Variants in OXSR1 observed in about 807,000 individuals in gnomAD.
OXSR1 encodes serine/threonine-protein kinase OSR1.
OXSR1 carries 24 observed loss-of-function variants against 79.8 expected under a neutral mutation model. That is an observed-to-expected ratio of 0.30 (90% CI 0.22 to 0.42). The LOEUF (loss-of-function observed/expected upper bound fraction) is 0.42. Ranked by LOEUF, OXSR1 falls within the 10% of genes least tolerant of loss-of-function variation. OXSR1 has a pLI of 1.00. For missense variants in OXSR1, 430 were observed against 618.4 expected, an observed-to-expected ratio of 0.70 and a Z score of 3.23; for synonymous variants, 226 against 209.2, an observed-to-expected ratio of 1.08 and a Z score of -0.69.
intron 14 of OXSR1, among the ~76,000 whole-genome samples, chr3:38,248,153 TC>T (rs1703182344): frequency 6.6e-6 from 1 of 152,054 alleles, no homozygotes; most frequent in African/African-American, 2.4e-5. Context: ...TTGTGGTAGA[TC>T]AAATAAAGGC....
In OXSR1 at chr3:38,178,202, C is replaced by T. The variant is rs184588807; in HGVS notation, c.71-4801C>T. The stretch of plus-strand genomic sequence containing the variant: ...CTTGGCTCAAGTGACCTGCCCACCT[C>T]GGCCTCCCAAAGTGCTGGGATTACA... On this transcript the variant is annotated intron_variant, in intron 1 of 17. Coordinates refer to ENST00000311806, the MANE Select transcript of OXSR1 (RefSeq NM_005109.3). Among the ~76,000 whole-genome samples, 483 of 152,206 alleles carry T rather than the reference C, an allele frequency of 3.2e-3. 2 individuals are homozygous for T. Among genetic ancestry groups the T allele is most frequent in the Middle Eastern group, 0.01 (3 of 294 alleles).
At chr3:38,193,494 C>A (rs1270859842) in intron 3 of OXSR1, 1 of 961,160 alleles carries the variant, frequency 1.0e-6, no homozygotes, top group Non-Finnish European at 1.4e-6. Context: ...ATATGTAATA[C>A]AACATTTTTA....
At position 38,246,062 on chromosome 3, in the gene OXSR1, G is replaced by A. The variant is rs1703135142; in HGVS notation, c.1111-13G>A. 1 of 1,613,314 alleles carries A rather than the reference G, an allele frequency of 6.2e-7. No individual in the cohort carries two copies. On this transcript the variant is annotated splice_polypyrimidine_tract_variant and intron_variant, in intron 12 of 17. Coordinates refer to ENST00000311806, the MANE Select transcript of OXSR1 (RefSeq NM_005109.3). ...ACACAACTTAAGCAACACTGTGTGTGTTTTTGTTACAGCTCTTTCCAACAA... is the reference window on the plus strand; with the variant it reads ...ACACAACTTAAGCAACACTGTGTGTATTTTTGTTACAGCTCTTTCCAACAA...
intron 4 of OXSR1, among the ~76,000 whole-genome samples, chr3:38,203,745 C>T (rs1474453746): frequency 1.3e-5 from 2 of 152,126 alleles, no homozygotes; most frequent in Non-Finnish European, 2.9e-5. Context: ...ACACAAGCAC[C>T]CCTGTGGCTA....
chr3:38,251,496 G>A (rs144914035), intron 16 of OXSR1, 25 bp downstream of exon 16: 13 of 1,562,766 alleles, frequency 8.3e-6, no homozygotes, highest in African/African-American at 1.4e-5. Flanking sequence ...TTCTGCTCAT[G>A]TGCTCCTGTG....
chr3:38,188,378 A>C (rs1182764772), intron 2 of OXSR1, among the ~76,000 whole-genome samples: 1 of 152,166 alleles, frequency 6.6e-6, no homozygotes, highest in Non-Finnish European at 1.5e-5. Flanking sequence ...CTTTTGAAAT[A>C]GCTTAAAACT....
intron 11 of OXSR1, among the ~76,000 whole-genome samples, chr3:38,241,562 G>T (rs1022811897): frequency 6.6e-6 from 1 of 151,890 alleles, no homozygotes; most frequent in African/African-American, 2.4e-5. Context: ...GTGGTAAACA[G>T]CCATGATATA....
intron 13 of OXSR1, among the ~76,000 whole-genome samples, chr3:38,247,044 T>G (rs1229105037): frequency 6.6e-6 from 1 of 152,070 alleles, no homozygotes; most frequent in Non-Finnish European, 1.5e-5. Flanking sequence ...TTCCAATTAG[T>G]CATGGCACTT....
chr3:38,185,579 C>G (rs1041514145), intron 2 of OXSR1, among the ~76,000 whole-genome samples: 2 of 152,060 alleles, frequency 1.3e-5, no homozygotes, highest in African/African-American at 4.8e-5. Flanking sequence ...GAGCAAGACT[C>G]TGTCTCAAAA....
rs540198737 is a variant in OXSR1, at chr3:38,216,282, T to C, written c.490+131T>C. ...TCTATTCAAGCATCCTCTGTTGGCA[T>C]GTCATAGGATGCCACCGACTCTCAA... On this transcript the variant is annotated intron_variant, in intron 5 of 17. Transcript: ENST00000311806. 65 of 604,254 alleles carry C rather than the reference T, an allele frequency of 1.1e-4. No individual in the cohort carries two copies. The African/African-American group carries it at 1.2e-3, about 11-fold the overall frequency. The allele number at this position is 604,254 out of a possible 1,614,324, so 37.4% of individuals were successfully genotyped here. A position where few individuals can be genotyped will look rare whatever the true frequency, so the allele number is the denominator to read the frequency against.
intron 4 of OXSR1, among the ~76,000 whole-genome samples, chr3:38,207,437 T>A (rs1702287708): frequency 1.3e-5 from 2 of 152,286 alleles, no homozygotes; most frequent in South Asian, 4.1e-4. Flanking sequence ...ACATCCACAT[T>A]TCAGCGGAAG....
At chr3:38,169,413 C>T (rs577267008) in intron 1 of OXSR1, among the ~76,000 whole-genome samples, 2 of 152,098 alleles carry the variant, frequency 1.3e-5, no homozygotes, top group South Asian at 4.1e-4. Flanking sequence ...TCAAGCAACT[C>T]TCCTGCCTCA....
intron 16 of OXSR1, 117 bp from the exon 17 acceptor site, chr3:38,252,211 C>G (rs2125857199): frequency 8.0e-6 from 6 of 754,404 alleles, no homozygotes; most frequent in South Asian, 7.3e-5. Flanking sequence ...GATCTGTCTG[C>G]TTCCATTTTG....
chr3:38,202,647 A>G (rs1365922242), intron 4 of OXSR1, among the ~76,000 whole-genome samples: 1 of 152,264 alleles, frequency 6.6e-6, no homozygotes, highest in Admixed American at 6.5e-5. Context: ...TACAAATTAG[A>G]TATAGAGATG....
At chr3:38,190,901 T>G in intron 3 of OXSR1, 62 bp downstream of exon 3, 6 of 888,364 alleles carry the variant, frequency 6.8e-6, no homozygotes, top group Non-Finnish European at 1.1e-5. Context: ...AAAAGTTTCC[T>G]TCTTTTCTAT....
intron 10 of OXSR1, among the ~76,000 whole-genome samples, chr3:38,231,209 T>C (rs1559522343): frequency 6.6e-6 from 1 of 152,314 alleles, no homozygotes; most frequent in East Asian, 1.9e-4. Context: ...CAGAAATGTA[T>C]ATTAAATACT....
At chr3:38,192,096 G>A (rs1701994704) in intron 3 of OXSR1, among the ~76,000 whole-genome samples, 1 of 152,128 alleles carries the variant, frequency 6.6e-6, no homozygotes, top group Admixed American at 6.6e-5. Context: ...CCTTTTTCCA[G>A]TTGGGTAGGG....
intron 4 of OXSR1, 122 bp from the exon 5 acceptor site, chr3:38,215,974 A>G: frequency 3.0e-6 from 2 of 669,024 alleles, no homozygotes; most frequent in Non-Finnish European, 2.6e-6. Context: ...AATATCCTTT[A>G]ATATAAAATA....
chr3:38,245,085 A>G (rs551359862), intron 12 of OXSR1, among the ~76,000 whole-genome samples: 55 of 152,292 alleles, frequency 3.6e-4, no homozygotes, highest in African/African-American at 1.3e-3. Flanking sequence ...TTTTGTAAAA[A>G]TCTAGAACCA....
Sources: gnomAD v4.1 joint callset for allele counts (sites outside exome capture counted in the v4.1 genomes callset) on GRCh38, gnomAD v4.1.1 for gene constraint, MANE v1.5 for transcripts, NCBI Gene and HGNC (gene_info 2026-07-23, HGNC 2026-07-21) for gene names.